Variants in CDH13 observed in about 807,000 individuals in gnomAD.
The protein encoded by CDH13 is cadherin 13, also known as cadherin-13.
Under a neutral mutation model 63.8 loss-of-function variants are expected in CDH13, and 24 were observed. The ratio of observed to expected loss-of-function variants is 0.38; its 90% CI spans 0.27 to 0.53. CDH13 has a LOEUF of 0.53. Ranked by LOEUF, CDH13 falls within the 20% of genes least tolerant of loss-of-function variation. The pLI is 0.85. For missense variants in CDH13, 1,049 were observed against 903.1 expected, an observed-to-expected ratio of 1.16 and a Z score of -2.07; for synonymous variants, 503 against 355.3, an observed-to-expected ratio of 1.42 and a Z score of -4.67.
chr16:82,637,758 GAAGAAACTGGTGAGTTT>G (rs1908858607), intron 1 of CDH13: 1 of 152,206 alleles, frequency 6.6e-6, no homozygotes, highest in African/African-American at 2.4e-5. Flanking sequence ...TTCAACAGAT[GAAGAAACTGGTGAGTTT>G]AAGGAACTGA....
chr16:82,770,149 C>T (rs998734674), intron 1 of CDH13, among the ~76,000 whole-genome samples: 3 of 152,198 alleles, frequency 2.0e-5, no homozygotes, highest in Non-Finnish European at 2.9e-5. Flanking sequence ...TGCCACAGAA[C>T]CTGGCTGTGA....
At chr16:83,096,699 G>T (rs2034214869) in intron 3 of CDH13, among the ~76,000 whole-genome samples, 1 of 152,202 alleles carries the variant, frequency 6.6e-6, no homozygotes. Flanking sequence ...ATTATATGTT[G>T]GGAGGGGACT....
intron 6 of CDH13, among the ~76,000 whole-genome samples, chr16:83,434,585 A>G (rs2072229243): frequency 6.6e-6 from 1 of 151,968 alleles, no homozygotes. Context: ...CTCAATTAAA[A>G]AAAGAAAAAA....
intron 3 of CDH13, among the ~76,000 whole-genome samples, chr16:83,063,498 G>T (rs1567794642): frequency 1.3e-5 from 2 of 152,212 alleles, no homozygotes; most frequent in Non-Finnish European, 2.9e-5. Flanking sequence ...TTAGGACATT[G>T]TTATGATAAA....
chr16:83,114,435 A>G (rs2035203798), intron 3 of CDH13, among the ~76,000 whole-genome samples: 1 of 152,168 alleles, frequency 6.6e-6, no homozygotes, highest in Non-Finnish European at 1.5e-5. Flanking sequence ...GTAATTTACA[A>G]CAGCTTATTG....
chr16:83,195,685 G>C (rs559618737), intron 4 of CDH13, among the ~76,000 whole-genome samples: 1 of 152,226 alleles, frequency 6.6e-6, no homozygotes, highest in Admixed American at 6.5e-5. Context: ...GATTTGGGCA[G>C]GCACACAGAT....
At position 82,684,800 on chromosome 16, in the gene CDH13, C is replaced by G. The variant is rs1055682529; in HGVS notation, c.45+57663C>G. Among the ~76,000 whole-genome samples, 8 of 152,312 alleles carry G rather than the reference C, an allele frequency of 5.3e-5. No individual in the cohort carries two copies. In the South Asian group the frequency reaches 1.0e-3, roughly 20 times the overall value. ...CATGACTTGCAGGCATAGCCTGAGCCCACTCAGAGCCCATACCCAAGTTGT... is the reference window on the plus strand; with the variant it reads ...CATGACTTGCAGGCATAGCCTGAGCGCACTCAGAGCCCATACCCAAGTTGT... On this transcript the variant is annotated intron_variant, in intron 1 of 13. Transcript: ENST00000567109.
chr16:82,950,054 C>A (rs1024456053), intron 2 of CDH13, among the ~76,000 whole-genome samples: 2 of 152,072 alleles, frequency 1.3e-5, no homozygotes, highest in Non-Finnish European at 2.9e-5. Context: ...TTCACTAGGG[C>A]TCCTATAACA....
intron 7 of CDH13, among the ~76,000 whole-genome samples, chr16:83,537,354 A>G (rs960124396): frequency 6.6e-6 from 1 of 152,250 alleles, no homozygotes; most frequent in African/African-American, 2.4e-5. Flanking sequence ...ATCCCTGTGT[A>G]GAACTTTAGG....
intron 8 of CDH13, among the ~76,000 whole-genome samples, chr16:83,668,585 G>A (rs575484502): frequency 6.6e-6 from 1 of 152,328 alleles, no homozygotes; most frequent in East Asian, 1.9e-4. Context: ...TTGATAAGCA[G>A]GGGCAGAGAA....
chr16:83,424,384 C>G (rs976565956), intron 6 of CDH13, among the ~76,000 whole-genome samples: 2 of 152,182 alleles, frequency 1.3e-5, no homozygotes, highest in African/African-American at 2.4e-5. Context: ...CTGCAGTAGC[C>G]TAGAGTTTAA....
At chr16:83,351,525 C>A (rs976748794) in intron 6 of CDH13, among the ~76,000 whole-genome samples, 1 of 152,114 alleles carries the variant, frequency 6.6e-6, no homozygotes, top group Non-Finnish European at 1.5e-5. Context: ...TCTCTTCACT[C>A]CTCAGGGTCC....
chr16:82,649,605 C>A (rs1283129061), intron 1 of CDH13, among the ~76,000 whole-genome samples: 2 of 151,952 alleles, frequency 1.3e-5, no homozygotes, highest in Non-Finnish European at 2.9e-5. Context: ...AATGGCTAGT[C>A]AGAGCATGGC....
intron 6 of CDH13, among the ~76,000 whole-genome samples, chr16:83,405,583 C>T (rs1036217423): frequency 6.6e-6 from 1 of 152,174 alleles, no homozygotes; most frequent in Non-Finnish European, 1.5e-5. Context: ...TTTAGACTCC[C>T]GACCTCCAGA....
At chr16:83,421,660 T>G (rs776005410) in intron 6 of CDH13, among the ~76,000 whole-genome samples, 1 of 152,190 alleles carries the variant, frequency 6.6e-6, no homozygotes, top group Non-Finnish European at 1.5e-5. Context: ...AGGACCAGAT[T>G]ACATGGCCAC....
At chr16:82,792,717 T>C (rs918326693) in intron 1 of CDH13, among the ~76,000 whole-genome samples, 1 of 152,264 alleles carries the variant, frequency 6.6e-6, no homozygotes, top group East Asian at 1.9e-4. Context: ...TATTTATTTC[T>C]TGTGTTCCTC....
intron 3 of CDH13, among the ~76,000 whole-genome samples, chr16:83,096,017 C>G (rs1466753668): frequency 1.3e-5 from 2 of 152,134 alleles, no homozygotes; most frequent in African/African-American, 2.4e-5. Flanking sequence ...AGCAACAAGA[C>G]AAAGGTCCAG....
At chr16:82,955,003 G>C (rs1251695178) in intron 2 of CDH13, among the ~76,000 whole-genome samples, 3 of 152,098 alleles carry the variant, frequency 2.0e-5, no homozygotes, top group African/African-American at 7.2e-5. Flanking sequence ...CCATTGCCTG[G>C]ATATATCACA....
In CDH13 at chr16:83,488,791, A is replaced by C. The variant is rs2073949138; in HGVS notation, c.960+2136A>C. On this transcript the variant is annotated intron_variant, in intron 7 of 13. Coordinates refer to ENST00000567109, the MANE Select transcript of CDH13 (RefSeq NM_001257.5). ...AGGCGCCTGCCACCACACCTGGCTA[A>C]TTTTTATATTTTTAGTAGAGATGGG... Among the ~76,000 whole-genome samples the C allele has an allele frequency of 2.0e-5, 3 of 151,968 alleles. No homozygotes were observed. The South Asian group carries it at 6.2e-4, about 32-fold the overall frequency.
Sources: allele counts gnomAD v4.1 joint callset (sites outside exome capture counted in the v4.1 genomes callset), GRCh38; gene constraint gnomAD v4.1.1; transcripts MANE v1.5; gene names NCBI Gene and HGNC (gene_info 2026-07-23, HGNC 2026-07-21).